Variants in GPC3 observed in about 807,000 individuals in gnomAD.
The protein encoded by GPC3 is glypican 3.
Under a neutral mutation model 34.4 loss-of-function variants are expected in GPC3, and 3 were observed. The ratio of observed to expected loss-of-function variants is 0.09; its 90% CI spans 0.04 to 0.23. The LOEUF (loss-of-function observed/expected upper bound fraction) is 0.23, where lower values mean the gene tolerates loss of function less well. GPC3 is among the 10% of genes least tolerant of loss of function. The probability of loss-of-function intolerance (pLI) is 1.00; values close to 1 mark genes in which losing one functional copy is unlikely to be tolerated. For synonymous variants in GPC3, 177 were observed against 174.0 expected (o/e 1.02, Z -0.13); for missense variants, 351 against 445.6 (o/e 0.79, Z 1.91).
intron 2 of GPC3, among the ~76,000 whole-genome samples, chrX:133,930,838 A>G (rs1181928753): frequency 9.0e-6 from 1 of 111,492 alleles, no homozygotes; most frequent in African/African-American, 3.3e-5. Context: ...GGGTTTCACT[A>G]TGTTGGCCAG....
intron 2 of GPC3, among the ~76,000 whole-genome samples, chrX:133,861,177 T>G: frequency 9.0e-6 from 1 of 111,676 alleles, no homozygotes; most frequent in Non-Finnish European, 1.9e-5. Context: ...CTGCATAGAC[T>G]TAAAATTTTA....
chrX:133,590,940 C>T (rs1177264505), intron 7 of GPC3, among the ~76,000 whole-genome samples: 2 of 111,955 alleles, frequency 1.8e-5, no homozygotes, highest in African/African-American at 6.5e-5. Context: ...CTTGTGTGTA[C>T]ACTCCCTCTA....
At chrX:133,686,269 G>A (rs1355673848) in intron 5 of GPC3, among the ~76,000 whole-genome samples, 4 of 111,467 alleles carry the variant, frequency 3.6e-5, no homozygotes, top group African/African-American at 9.8e-5. Context: ...GGATGATGGG[G>A]ATGGGAGGCC....
intron 2 of GPC3, among the ~76,000 whole-genome samples, chrX:133,811,459 CGGTTTTT>C (rs2075665568): frequency 1.8e-5 from 2 of 110,811 alleles, no homozygotes; most frequent in East Asian, 2.8e-4. Context: ...TTTTGTTTTT[CGGTTTTT>C]GGTTTTTGGG....
intron 2 of GPC3, among the ~76,000 whole-genome samples, chrX:133,946,266 G>T (rs2076368286): frequency 9.0e-6 from 1 of 111,655 alleles, no homozygotes. Flanking sequence ...ACTGTTTTAA[G>T]GGCACAGGCT....
intron 2 of GPC3, among the ~76,000 whole-genome samples, chrX:133,931,187 A>G (rs933654900): frequency 9.0e-6 from 1 of 111,640 alleles, no homozygotes; most frequent in Non-Finnish European, 1.9e-5. Flanking sequence ...TACTCGGTAC[A>G]TAGTACATAC....
Position 133,603,759 on chromosome X carries a change from G to A in GPC3, c.1414-7160C>T, listed in dbSNP as rs1453157433. On this transcript the variant is annotated intron_variant, in intron 6 of 7. Transcript: ENST00000370818. ...AGAAAATTGGAAACACAATGAAAGGGAAAAAAGGGCTTTCTGAAGTACAGC... is the reference window on the plus strand; with the variant it reads ...AGAAAATTGGAAACACAATGAAAGGAAAAAAAGGGCTTTCTGAAGTACAGC... Among the ~76,000 whole-genome samples the A allele has an allele frequency of 6.3e-5, 7 of 111,222 alleles. No individual in the cohort carries two copies. In the Admixed American group the frequency reaches 6.7e-4, roughly 11 times the overall value.
intron 7 of GPC3, among the ~76,000 whole-genome samples, chrX:133,543,614 T>G (rs2069359838): frequency 8.9e-6 from 1 of 112,572 alleles, no homozygotes; most frequent in South Asian, 3.7e-4. Flanking sequence ...TATAATGAAT[T>G]TTTCCCATTA....
chrX:133,861,236 G>T (rs2075934990), intron 2 of GPC3, among the ~76,000 whole-genome samples: 2 of 111,245 alleles, frequency 1.8e-5, no homozygotes, highest in Non-Finnish European at 3.8e-5. Context: ...ATCTAGTTTG[G>T]TTACCCTTAA....
At chrX:133,655,681 T>C (rs979476023) in intron 6 of GPC3, among the ~76,000 whole-genome samples, 4 of 112,029 alleles carry the variant, frequency 3.6e-5, no homozygotes, top group Non-Finnish European at 7.5e-5. Flanking sequence ...TTAGAAATTT[T>C]AGCTCAATAT....
At chrX:133,763,657 G>A in intron 2 of GPC3, 1 of 736,657 alleles carries the variant, frequency 1.4e-6, no homozygotes. Flanking sequence ...CACTGAATGG[G>A]TAGGAGCAAC....
chrX:133,924,388 A>G (rs927986733), intron 2 of GPC3, among the ~76,000 whole-genome samples: 1 of 111,354 alleles, frequency 9.0e-6, no homozygotes, highest in African/African-American at 3.3e-5. Flanking sequence ...ATTCACTCAT[A>G]ACTAGAAGCG....
chrX:133,888,933 G>A (rs1189749087), intron 2 of GPC3, among the ~76,000 whole-genome samples: 1 of 112,359 alleles, frequency 8.9e-6, no homozygotes, highest in Non-Finnish European at 1.9e-5. Flanking sequence ...TGACAAGCCA[G>A]TGAAAGCAAT....
At chrX:133,852,769 T>C (rs1185396038) in intron 2 of GPC3, among the ~76,000 whole-genome samples, 1 of 110,469 alleles carries the variant, frequency 9.1e-6, no homozygotes, top group African/African-American at 3.3e-5. Flanking sequence ...ATAATGTATG[T>C]ATAACTTTGG....
chrX:133,842,154 TAAA>T (rs1246011773), intron 2 of GPC3, among the ~76,000 whole-genome samples: 1 of 110,000 alleles, frequency 9.1e-6, no homozygotes, highest in Admixed American at 9.7e-5. Flanking sequence ...CCATTTCTAC[TAAA>T]AATACAAAAA....
chrX:133,854,052 C>CT (rs1006874513), intron 2 of GPC3, among the ~76,000 whole-genome samples: 15 of 111,380 alleles, frequency 1.3e-4, no homozygotes, highest in Admixed American at 2.9e-4. Context: ...ATATTTTTTT[C>CT]TTTTTTCCCC....
chrX:133,699,370 G>A (rs1358612685), intron 4 of GPC3, among the ~76,000 whole-genome samples: 10 of 112,101 alleles, frequency 8.9e-5, no homozygotes, highest in Non-Finnish European at 1.9e-5. Flanking sequence ...CCTGGATCAG[G>A]GGAGAATGGA....
intron 2 of GPC3, among the ~76,000 whole-genome samples, chrX:133,917,731 TAACAATA>T (rs1357511366): frequency 1.8e-5 from 2 of 111,950 alleles, no homozygotes; most frequent in Non-Finnish European, 3.8e-5. Flanking sequence ...ATTACAGTAA[TAACAATA>T]AAAGTCTCCA....
intron 2 of GPC3, among the ~76,000 whole-genome samples, chrX:133,772,211 C>G (rs746339160): frequency 8.9e-6 from 1 of 111,799 alleles, no homozygotes; most frequent in African/African-American, 3.3e-5. Flanking sequence ...CAATGGTATA[C>G]AGTACATTTT....
Sources: gnomAD v4.1 joint callset for allele counts (sites outside exome capture counted in the v4.1 genomes callset) on GRCh38, gnomAD v4.1.1 for gene constraint, MANE v1.5 for transcripts, NCBI Gene and HGNC (gene_info 2026-07-23, HGNC 2026-07-21) for gene names.